Variants in FAM222B observed in about 807,000 individuals in gnomAD.
FAM222B encodes the protein protein FAM222B.
A neutral mutation model predicts 38.0 loss-of-function variants in FAM222B; 12 were observed. The observed-to-expected ratio is 0.32, with a 90% confidence interval of 0.20 to 0.51. The LOEUF (loss-of-function observed/expected upper bound fraction) is 0.51, where lower values mean the gene tolerates loss of function less well. FAM222B is among the 20% of genes least tolerant of loss of function. The pLI is 0.97. For synonymous variants in FAM222B, 329 were observed against 317.2 expected, an observed-to-expected ratio of 1.04 and a Z score of -0.40; for missense variants, 716 against 754.2, an observed-to-expected ratio of 0.95 and a Z score of 0.59.
intron 1 of FAM222B, among the ~76,000 whole-genome samples, chr17:28,837,595 C>T (rs1316683227): frequency 1.3e-5 from 2 of 151,566 alleles, no homozygotes; most frequent in East Asian, 3.9e-4. Flanking sequence ...GGGAAACAAT[C>T]GAGACCCTGA....
chr17:28,818,209 T>A, intron 1 of FAM222B, among the ~76,000 whole-genome samples: 1 of 151,748 alleles, frequency 6.6e-6, no homozygotes, highest in East Asian at 1.9e-4. Flanking sequence ...CAAGCCTCAG[T>A]GACAGAGCAA....
chr17:28,777,957 T>C (rs1350011205), intron 1 of FAM222B, among the ~76,000 whole-genome samples: 5 of 151,676 alleles, frequency 3.3e-5, no homozygotes, highest in Non-Finnish European at 2.9e-5. Context: ...CCTGGCTAAT[T>C]TTTTGTATTT....
chr17:28,805,647 T>C (rs2037457160), intron 1 of FAM222B, among the ~76,000 whole-genome samples: 1 of 150,280 alleles, frequency 6.7e-6, no homozygotes. Context: ...TGAGAACCTG[T>C]CTCAAAAAAA....
intron 1 of FAM222B, among the ~76,000 whole-genome samples, chr17:28,830,344 T>C (rs12946132): frequency 0.19 from 28,579 of 151,526 alleles, 2,824 homozygotes; most frequent in South Asian, 0.29. Context: ...TGTTTTTTAG[T>C]AGAGAAGCGG....
At chr17:28,812,705 G>A (rs1296841920) in intron 1 of FAM222B, among the ~76,000 whole-genome samples, 1 of 151,812 alleles carries the variant, frequency 6.6e-6, no homozygotes, top group Non-Finnish European at 1.5e-5. Context: ...CAAGCATCCC[G>A]TAGCTGGGCC....
At chr17:28,769,697 G>A (rs545885002) in intron 1 of FAM222B, among the ~76,000 whole-genome samples, 1 of 152,274 alleles carries the variant, frequency 6.6e-6, no homozygotes, top group African/African-American at 2.4e-5. Context: ...GGCCCTCCAT[G>A]ATCTATTACT....
rs1190850886 is a variant in FAM222B, at chr17:28,759,012, G to C, written c.947C>G (p.Pro316Arg). The change falls in exon 3 of 3, where the codon CCC becomes CGC. Residue 316 changes from proline to arginine, a missense_variant. Physicochemically the swap from Pro to Arg is moderately radical, Grantham distance 103. Transcript: ENST00000581407. This position sits in a 1 kb window ranked among gnomAD's most constrained non-coding sequence, Gnocchi z 4.8. The part of the protein sequence containing the change: ...ASTRVSTHSV[P>R]TPMPSCVVNP... Reference sequence around the variant, plus strand: ...GACCACACATGAAGGCATTGGTGTGGGGACGCTGTGGGTCGACACCCGGGT... The same window carrying C: ...GACCACACATGAAGGCATTGGTGTGCGGACGCTGTGGGTCGACACCCGGGT... 1 of 1,612,878 alleles carries C rather than the reference G, an allele frequency of 6.2e-7. No individual in the cohort carries two copies. Among genetic ancestry groups the C allele is most frequent in the East Asian group, 2.2e-5 (1 of 44,864 alleles).
At chr17:28,769,577 G>A (rs1348670431) in intron 1 of FAM222B, among the ~76,000 whole-genome samples, 3 of 152,342 alleles carry the variant, frequency 2.0e-5, no homozygotes, top group Middle Eastern at 3.4e-3. Context: ...GATTACAGAC[G>A]TGAGCCACCG....
intron 1 of FAM222B, among the ~76,000 whole-genome samples, chr17:28,825,011 G>A (rs1165958808): frequency 6.6e-6 from 1 of 152,078 alleles, no homozygotes; most frequent in Non-Finnish European, 1.5e-5. Flanking sequence ...TGATCCGCCC[G>A]CCTTGGCCTC....
rs895503419 is a variant in FAM222B at position 28,795,789 on chromosome 17, G to A, written c.-40-29082C>T. ...TTGCACTTAGAAGAGAATTTAAAAC[G>A]CAATCAGAAAACCAGATTGTACCTT... On this transcript the variant is annotated intron_variant, in intron 1 of 2. Transcript: ENST00000581407. Among the ~76,000 whole-genome samples, 6 of 152,126 alleles carry A rather than the reference G, an allele frequency of 3.9e-5. 1 individual carries two copies. In the South Asian group the frequency reaches 8.3e-4, roughly 21 times the overall value.
chr17:28,786,970 T>C (rs923515060), intron 1 of FAM222B, among the ~76,000 whole-genome samples: 2 of 144,520 alleles, frequency 1.4e-5, no homozygotes, highest in Non-Finnish European at 3.0e-5. Flanking sequence ...AGTGGCGCGA[T>C]CTCGAGTGCA....
At chr17:28,821,203 C>G (rs2038207234) in intron 1 of FAM222B, among the ~76,000 whole-genome samples, 1 of 152,098 alleles carries the variant, frequency 6.6e-6, no homozygotes, top group African/African-American at 2.4e-5. Context: ...ATCCACCCAC[C>G]TCGGCCTCCC....
intron 1 of FAM222B, among the ~76,000 whole-genome samples, chr17:28,850,639 C>T (rs2152638083): frequency 6.6e-6 from 1 of 152,148 alleles, no homozygotes; most frequent in African/African-American, 2.4e-5. Context: ...CAACTGGGAC[C>T]TTGATTTTGA....
At chr17:28,810,090 G>A (rs1032348312) in intron 1 of FAM222B, among the ~76,000 whole-genome samples, 5 of 151,884 alleles carry the variant, frequency 3.3e-5, no homozygotes, top group Admixed American at 6.6e-5. Context: ...TCTGCCTCCC[G>A]GGTTCCAGCA....
chr17:28,758,492 T>C lies in FAM222B; in HGVS notation c.1467A>G (p.Ala489=), dbSNP rs2034834885. The change falls in exon 3 of 3, where the codon GCA becomes GCG. Residue 489 remains alanine, a synonymous_variant. Transcript: ENST00000581407. ...QPTGAPLDCA[A]APGAHYRAGT... ...CTGCTCGGTAGTGGGCCCCGGGAGCTGCCGCACAGTCGAGGGGTGCACCTG... is the reference window on the plus strand; with the variant it reads ...CTGCTCGGTAGTGGGCCCCGGGAGCCGCCGCACAGTCGAGGGGTGCACCTG... 6.2e-7 allele frequency: 1 copy of C among 1,612,918 alleles called. No individual in the cohort carries two copies. Among genetic ancestry groups the C allele is most frequent in the Non-Finnish European group, 8.5e-7 (1 of 1,179,772 alleles).
rs147698875 is a variant in FAM222B, at chr17:28,842,065, A to G, written c.-41+617T>C. Among the ~76,000 whole-genome samples the G allele has an allele frequency of 1.2e-4, 19 of 152,286 alleles. No individual in the cohort carries two copies. The East Asian group carries it at 3.5e-3, about 28-fold the overall frequency. The stretch of plus-strand genomic sequence containing the variant: ...TTACAATTCACAATTTGCATAAACA[A>G]TCTCAATTACATAGGTGATGCTTGC... On this transcript the variant is annotated intron_variant, in intron 1 of 2. Transcript: ENST00000581407.
At chr17:28,804,649 A>G (rs1328128454) in intron 1 of FAM222B, among the ~76,000 whole-genome samples, 2 of 152,040 alleles carry the variant, frequency 1.3e-5, no homozygotes, top group South Asian at 2.1e-4. Context: ...TATAGATTTT[A>G]TATTTAGTAT....
At chr17:28,799,914 G>C (rs2037138685) in intron 1 of FAM222B, among the ~76,000 whole-genome samples, 1 of 151,966 alleles carries the variant, frequency 6.6e-6, no homozygotes, top group South Asian at 2.1e-4. Flanking sequence ...GGCAAGAAAG[G>C]CTCTTTAAAC....
chr17:28,771,006 ATT>A (rs1004308654), intron 1 of FAM222B, among the ~76,000 whole-genome samples: 3 of 148,662 alleles, frequency 2.0e-5, no homozygotes, highest in African/African-American at 7.4e-5. Context: ...ATATATATAT[ATT>A]TTTTCTTTTT....
Sources: gnomAD v4.1 joint callset for allele counts (sites outside exome capture counted in the v4.1 genomes callset) on GRCh38, gnomAD v4.1.1 for gene constraint, Gnocchi (gnomAD v3.1) non-coding constraint, MANE v1.5 for transcripts, NCBI Gene and HGNC (gene_info 2026-07-23, HGNC 2026-07-21) for gene names.